The following ZNF273 variants were observed in gnomAD, a reference collection of about 807,000 sequenced individuals.
ZNF273 encodes zinc finger protein 273, also known as zinc finger protein 9.
In ZNF273, 11 loss-of-function variants were observed where a neutral mutation model predicts 14.9. That is an observed-to-expected ratio of 0.74 (90% CI 0.46 to 1.22). The LOEUF (loss-of-function observed/expected upper bound fraction) is 1.22. Ranked by LOEUF, ZNF273 falls within the 50% of genes most tolerant of loss-of-function variation. The pLI is 0.00. For synonymous variants in ZNF273, 199 were observed against 223.9 expected, an observed-to-expected ratio of 0.89 and a Z score of 0.99; for missense variants, 577 against 660.6, an observed-to-expected ratio of 0.87 and a Z score of 1.39.
intron 1 of ZNF273, among the ~76,000 whole-genome samples, chr7:64,908,996 A>G (rs946223712): frequency 6.6e-6 from 1 of 152,158 alleles, no homozygotes; most frequent in Non-Finnish European, 1.5e-5. Context: ...TGCAGCCTCA[A>G]CATCCTGGGC....
At chr7:64,905,935 A>G (rs1314724018) in intron 1 of ZNF273, among the ~76,000 whole-genome samples, 1 of 152,220 alleles carries the variant, frequency 6.6e-6, no homozygotes, top group African/African-American at 2.4e-5. Context: ...GGTGGGTTTC[A>G]GGGAGAGAAA....
chr7:64,916,511 C>T (rs1204617151), intron 1 of ZNF273, among the ~76,000 whole-genome samples: 1 of 143,508 alleles, frequency 7.0e-6, no homozygotes, highest in Non-Finnish European at 1.5e-5. Context: ...CACCATTGCA[C>T]TCTAGCCTGG....
chr7:64,920,764 G>T (rs536750964), intron 3 of ZNF273, among the ~76,000 whole-genome samples: 8 of 152,200 alleles, frequency 5.3e-5, no homozygotes, highest in African/African-American at 1.9e-4. Flanking sequence ...TTCTTTAAAG[G>T]CACTTATTTT....
intron 1 of ZNF273, among the ~76,000 whole-genome samples, chr7:64,912,826 G>GTTTTTTGTTGTTGTTGTTTTTGT: frequency 2.7e-5 from 1 of 36,568 alleles, no homozygotes; most frequent in Non-Finnish European, 5.7e-5. Context: ...ATTCATTTTA[G>GTTTTTTGTTGTTGTTGTTTTTGT]TTTTTTTTTT....
chr7:64,921,848 C>T (rs753198958), intron 3 of ZNF273, among the ~76,000 whole-genome samples: 20 of 151,694 alleles, frequency 1.3e-4, no homozygotes, highest in Non-Finnish European at 2.8e-4. Flanking sequence ...AGGCTGGTCT[C>T]GAACTCCTGA....
At chr7:64,881,452 A>C (rs944882543), downstream of ZNF273, among the ~76,000 whole-genome samples, 1 of 152,216 alleles carries the variant, frequency 6.6e-6, no homozygotes, top group Non-Finnish European at 1.5e-5. Context: ...ATACTTTTGG[A>C]AGGGTAAATT....
At chr7:64,903,506 C>G in intron 1 of ZNF273, 87 bp downstream of exon 1, 1 of 1,317,482 alleles carries the variant, frequency 7.6e-7, no homozygotes, top group Non-Finnish European at 1.1e-6. Context: ...CTCCGGCCTC[C>G]CTGCAGTAGA....
Position 64,928,476 on chromosome 7 carries a change from T to C in ZNF273, c.1148T>C (p.Phe383Ser), listed in dbSNP as rs779115941. 1 of 1,613,650 alleles carries C rather than the reference T, an allele frequency of 6.2e-7. No individual in the cohort carries two copies. The highest frequency in any genetic ancestry group is 1.1e-5 in the South Asian group (1 of 91,066). The change falls in exon 4 of 4, where the codon TTT (phenylalanine) becomes TCT (serine). Residue 383 changes from phenylalanine to serine, a missense_variant. This residue lies in a region of ZNF273 where 411 missense variants were observed against 440.4 expected (regional missense o/e 0.93). Coordinates refer to ENST00000476120, the MANE Select transcript of ZNF273 (RefSeq NM_021148.3). Reference protein sequence around the residue: ...PYKCEECGKAFNQSSTLTRHK... With the variant: ...PYKCEECGKASNQSSTLTRHK... ...AAATGTGAAGAATGTGGCAAAGCTT[T>C]TAACCAGTCCTCAACCCTTACTAGA...
intron 3 of ZNF273, among the ~76,000 whole-genome samples, chr7:64,925,495 T>A (rs1794728156): frequency 1.3e-5 from 2 of 152,190 alleles, no homozygotes; most frequent in African/African-American, 4.8e-5. Context: ...TGGAGTGCAG[T>A]GACACAATCT....
At chr7:64,911,031 G>A (rs528638090) in intron 1 of ZNF273, among the ~76,000 whole-genome samples, 2 of 152,112 alleles carry the variant, frequency 1.3e-5, no homozygotes, top group Non-Finnish European at 2.9e-5. Context: ...TTCCCAAAGT[G>A]CTGGGATTAC....
chr7:64,913,320 G>T (rs1264459136), intron 1 of ZNF273, among the ~76,000 whole-genome samples: 2 of 152,222 alleles, frequency 1.3e-5, no homozygotes, highest in African/African-American at 2.4e-5. Context: ...AACAGAAGAA[G>T]AAGTAAAAAT....
At chr7:64,927,505 C>G in intron 3 of ZNF273, 149 bp from the exon 4 acceptor site, 2 of 640,992 alleles carry the variant, frequency 3.1e-6, no homozygotes. Context: ...GTTTTTGTTA[C>G]ATTGATATGT....
At chr7:64,934,184 C>T (rs558397308), downstream of ZNF273, among the ~76,000 whole-genome samples, 1 of 149,984 alleles carries the variant, frequency 6.7e-6, no homozygotes, top group Non-Finnish European at 1.5e-5. Context: ...CATGAGCCTG[C>T]AGCCTGGCCA....
At chr7:64,888,392 G>C in intron 1 of ZNF273, 2 of 985,624 alleles carry the variant, frequency 2.0e-6, no homozygotes, top group Non-Finnish European at 1.2e-6. Flanking sequence ...GAGAGAGAGC[G>C]AGCTGTAAGG....
chr7:64,894,657 A>T (rs1792252076), downstream of ZNF273, among the ~76,000 whole-genome samples: 2 of 151,904 alleles, frequency 1.3e-5, no homozygotes, highest in African/African-American at 4.8e-5. Flanking sequence ...TTCATAAAAT[A>T]AACCTGAATT....
chr7:64,913,082 C>T (rs1793690253), intron 1 of ZNF273, among the ~76,000 whole-genome samples: 1 of 151,968 alleles, frequency 6.6e-6, no homozygotes, highest in African/African-American at 2.4e-5. Flanking sequence ...ATCCACCTGC[C>T]TTGACCTCCC....
In ZNF273 at chr7:64,918,279, A is replaced by G. The variant is rs1006382029; in HGVS notation, c.312A>G (p.Val104=). 7 of 1,562,554 alleles carry G rather than the reference A, an allele frequency of 4.5e-6. No individual in the cohort carries two copies. The African/African-American group carries it at 5.5e-5, about 12-fold the overall frequency. The change falls in exon 3 of 4, where the codon GTA becomes GTG. Residue 104 remains valine, a synonymous_variant. Coordinates refer to ENST00000476120, the MANE Select transcript of ZNF273 (RefSeq NM_021148.3). Reference sequence around the variant, plus strand: ...GCAATATGAAGAGACATGCGATGGTAGCCAAACCCCCAGGTAGGTGAGAGT... The same window carrying G: ...GCAATATGAAGAGACATGCGATGGTGGCCAAACCCCCAGGTAGGTGAGAGT... ...EPCNMKRHAM[V]AKPPVVCSHF...
At chr7:64,918,659 CAAAAAAAAAAAAA>C (rs1171857179) in intron 3 of ZNF273, among the ~76,000 whole-genome samples, 61 of 80,056 alleles carry the variant, frequency 7.6e-4, no homozygotes, top group African/African-American at 2.7e-3. Flanking sequence ...GACTCCATCT[CAAAAAAAAAAAAA>C]AAAAAAAAAA....
downstream of ZNF273, among the ~76,000 whole-genome samples, chr7:64,931,887 C>T (rs755389305): frequency 1.3e-5 from 2 of 151,984 alleles, no homozygotes; most frequent in African/African-American, 2.4e-5. Flanking sequence ...TTCCAGGCTG[C>T]GAAGCTGAAT....
Sources: allele counts gnomAD v4.1 joint callset (sites outside exome capture counted in the v4.1 genomes callset), GRCh38; gene constraint gnomAD v4.1.1; regional missense constraint gnomAD v4.1.1; transcripts MANE v1.5; gene names NCBI Gene and HGNC (gene_info 2026-07-23, HGNC 2026-07-21).